UPF2: variants seen among roughly 807,000 people sequenced by gnomAD.
UPF2 encodes regulator of nonsense transcripts 2.
A neutral mutation model predicts 141.4 loss-of-function variants in UPF2; 17 were observed. That is an observed-to-expected ratio of 0.12 (90% confidence interval 0.08 to 0.18). The LOEUF (loss-of-function observed/expected upper bound fraction) is 0.18. Ranked by LOEUF, UPF2 falls within the 10% of genes least tolerant of loss-of-function variation. The pLI, the probability that UPF2 is intolerant of heterozygous loss-of-function variation, is 1.00. For synonymous variants in UPF2, 540 were observed against 498.0 expected (o/e 1.08, Z -1.12); for missense variants, 1,152 against 1,515.9 (o/e 0.76, Z 3.99).
At chr10:12,017,444 G>A (rs550990294) in intron 3 of UPF2, among the ~76,000 whole-genome samples, 1 of 152,148 alleles carries the variant, frequency 6.6e-6, no homozygotes, top group Non-Finnish European at 1.5e-5. Flanking sequence ...TCACTTTCAC[G>A]TGTGGATTTG....
In UPF2 at chr10:12,001,766, A is replaced by G. The variant is rs1177940831; in HGVS notation, c.1564T>C (p.Leu522=). ...VSSPDDLELE[L]ENLEINDDTL... The stretch of plus-strand genomic sequence containing the variant: ...TCATCATTAATTTCTAGATTCTCCA[A>G]CTCAAGTTCCAAATCATCGGGACTT... The change falls in exon 6 of 22, where the codon TTG becomes CTG. Residue 522 remains leucine, a synonymous_variant. Coordinates refer to ENST00000357604, the MANE Select transcript of UPF2 (RefSeq NM_015542.4). The G allele has an allele frequency of 1.4e-5, 22 of 1,612,644 alleles. No individual in the cohort carries two copies. Among genetic ancestry groups the G allele is most frequent in the Non-Finnish European group, 1.8e-5 (21 of 1,179,544 alleles).
intron 9 of UPF2, among the ~76,000 whole-genome samples, chr10:11,977,849 CTTTAT>C (rs1833531391): frequency 6.6e-6 from 1 of 152,168 alleles, no homozygotes; most frequent in African/African-American, 2.4e-5. Flanking sequence ...AACCACTTAA[CTTTAT>C]TGAGTTCAGT....
Position 11,955,223 on chromosome 10 carries a change from C to A in UPF2, c.2850+9G>T. The A allele has an allele frequency of 6.4e-7, 1 of 1,570,770 alleles. No individual in the cohort carries two copies. The highest frequency in any genetic ancestry group is 8.6e-7 in the Non-Finnish European group (1 of 1,157,980). On this transcript the variant is annotated intron_variant, in intron 14 of 21. Transcript: ENST00000357604. Reference sequence around the variant, plus strand: ...AATGATGCCAAACTGAATATTTCAGCTTATATACCTGAAAATATACAAGGA... The same window carrying A: ...AATGATGCCAAACTGAATATTTCAGATTATATACCTGAAAATATACAAGGA...
chr10:12,012,035 GGT>G (rs903066000), intron 4 of UPF2, among the ~76,000 whole-genome samples: 4 of 151,662 alleles, frequency 2.6e-5, no homozygotes, highest in Non-Finnish European at 5.9e-5. Context: ...AGAGAAAAGG[GGT>G]AAAGAAACCA....
At chr10:11,999,409 A>G (rs1212105122) in intron 7 of UPF2, among the ~76,000 whole-genome samples, 7 of 149,574 alleles carry the variant, frequency 4.7e-5, no homozygotes, top group African/African-American at 1.7e-4. Flanking sequence ...GCTACTCGAG[A>G]GGCTGAGGCA....
chr10:11,952,339 A>AT lies in UPF2; in HGVS notation c.2851-91dup, dbSNP rs1234130355. 6 of 1,180,026 alleles carry AT rather than the reference A, an allele frequency of 5.1e-6. No homozygotes were observed. In the African/African-American group the frequency reaches 9.3e-5, roughly 18 times the overall value. 73.1% of individuals were successfully genotyped at this position (1,180,026 alleles called of 1,614,324 possible). On this transcript the variant is annotated intron_variant, in intron 14 of 21. Transcript: ENST00000357604. ...AACTATATTGTGCTGTTTCCCAGTT[A>AT]TAACTACTAAGCTGAAAGGTTATAA...
intron 8 of UPF2, among the ~76,000 whole-genome samples, chr10:11,988,236 A>G (rs895806592): frequency 6.6e-6 from 1 of 152,218 alleles, no homozygotes; most frequent in African/African-American, 2.4e-5. Context: ...ACCCCCACCC[A>G]AAAGATACCA....
At chr10:11,970,832 A>C (rs905315559) in intron 9 of UPF2, among the ~76,000 whole-genome samples, 3 of 151,866 alleles carry the variant, frequency 2.0e-5, no homozygotes, top group Non-Finnish European at 4.4e-5. Context: ...TAAATAAATA[A>C]ATAACAAAAA....
In UPF2 at chr10:12,035,382, T is replaced by C; in HGVS notation, c.42A>G (p.Lys14=). Residue 14 remains lysine (K), a synonymous_variant, in exon 2 of 22, where the codon AAA becomes AAG. Coordinates refer to ENST00000357604, the MANE Select transcript of UPF2 (RefSeq NM_015542.4). Reference sequence around the variant, plus strand: ...TTTCCTTGTTGTTTGGTAAAGAGTCTTTTTCTTCCATACTTGCTGGCTTTT... The same window carrying C: ...TTTCCTTGTTGTTTGGTAAAGAGTCCTTTTCTTCCATACTTGCTGGCTTTT... ...ERKKPASMEE[K]DSLPNNKEKD... The C allele has an allele frequency of 6.3e-7, 1 of 1,596,620 alleles. No individual in the cohort carries two copies. Among genetic ancestry groups the C allele is most frequent in the Non-Finnish European group, 8.5e-7 (1 of 1,175,630 alleles).
Position 11,956,472 on chromosome 10 carries a change from A to G in UPF2, c.2422T>C (p.Tyr808His). Residue 808 changes from tyrosine (Y) to histidine (H), a missense_variant, in exon 13 of 22, where the codon TAT (tyrosine) becomes CAT (histidine). Transcript: ENST00000357604. The surrounding 1 kb of genome is among the most constrained non-coding windows in gnomAD (Gnocchi z 4.2). ...LPWQDQEVKD[Y>H]VICCMINIWN... ...ATGTTTATCATACAACAAATAACATAGTCTTTCACTTCTTGGTCCTGCCAG... is the reference window on the plus strand; with the variant it reads ...ATGTTTATCATACAACAAATAACATGGTCTTTCACTTCTTGGTCCTGCCAG... 1 of 1,614,076 alleles carries G rather than the reference A, an allele frequency of 6.2e-7. No homozygotes were observed. The highest frequency in any genetic ancestry group is 8.5e-7 in the Non-Finnish European group (1 of 1,179,942).
chr10:11,971,804 C>T (rs966189990), intron 9 of UPF2, among the ~76,000 whole-genome samples: 1 of 152,054 alleles, frequency 6.6e-6, no homozygotes, highest in Non-Finnish European at 1.5e-5. Flanking sequence ...TGGCTCATGC[C>T]TATAATCCCA....
At chr10:12,028,394 C>A (rs796943551) in intron 3 of UPF2, among the ~76,000 whole-genome samples, 1 of 152,044 alleles carries the variant, frequency 6.6e-6, no homozygotes, top group Non-Finnish European at 1.5e-5. Context: ...ATAGAGAGAA[C>A]GTTAAAGCAC....
chr10:11,950,841 C>G (rs1017139242), intron 15 of UPF2, among the ~76,000 whole-genome samples: 1 of 152,128 alleles, frequency 6.6e-6, no homozygotes, highest in Non-Finnish European at 1.5e-5. Flanking sequence ...TATGCCTTTA[C>G]GGGTTAAGTT....
At chr10:11,945,261 T>C (rs906978398) in intron 16 of UPF2, among the ~76,000 whole-genome samples, 1 of 152,196 alleles carries the variant, frequency 6.6e-6, no homozygotes, top group Non-Finnish European at 1.5e-5. Flanking sequence ...AAATGTCAAA[T>C]AGAACTTTAA....
rs1415677119 is a variant in UPF2, at chr10:12,014,121, A to G, written c.1209T>C (p.Ala403=). The change falls in exon 4 of 22, where the codon GCT becomes GCC. Residue 403 remains alanine, a synonymous_variant. Transcript: ENST00000357604. This position sits in a 1 kb window ranked among gnomAD's most constrained non-coding sequence, Gnocchi z 5.0. The part of the protein sequence containing the change: ...EDRHKQYEEF[A]MSYQKLLANS... ...TTGCCAGCAGCTTCTGGTAAGACAT[A>G]GCAAATTCCTCATACTGTTTATGTC... 3 of 1,589,644 alleles carry G rather than the reference A, an allele frequency of 1.9e-6. No homozygotes were observed. Among genetic ancestry groups the G allele is most frequent in the Admixed American group, 1.7e-5 (1 of 57,146 alleles).
chr10:11,934,989 T>C (rs548774153), intron 19 of UPF2, among the ~76,000 whole-genome samples: 4 of 152,196 alleles, frequency 2.6e-5, no homozygotes, highest in African/African-American at 9.6e-5. Flanking sequence ...ATATCACTTG[T>C]ATACTGCACA....
chr10:11,938,853 GT>G (rs58106776), intron 18 of UPF2, among the ~76,000 whole-genome samples: 526 of 79,738 alleles, frequency 6.6e-3, no homozygotes, highest in Middle Eastern at 0.017. Flanking sequence ...TTTTTTTTTT[GT>G]TTTTTTTTTT....
chr10:11,952,469 C>CTTTTTTTTT (rs869201076), intron 14 of UPF2, among the ~76,000 whole-genome samples: 3 of 97,742 alleles, frequency 3.1e-5, no homozygotes, highest in African/African-American at 4.1e-5. Flanking sequence ...TACTAAATAT[C>CTTTTTTTTT]TTTTTTTTTT....
At chr10:11,938,292 ATT>A in intron 18 of UPF2, among the ~76,000 whole-genome samples, 1 of 152,244 alleles carries the variant, frequency 6.6e-6, no homozygotes, top group South Asian at 2.1e-4. Flanking sequence ...TTATTTAATT[ATT>A]GACAGACAAT....
Sources: allele counts gnomAD v4.1 joint callset (sites outside exome capture counted in the v4.1 genomes callset), GRCh38; gene constraint gnomAD v4.1.1; non-coding constraint Gnocchi (gnomAD v3.1); transcripts MANE v1.5; gene names NCBI Gene and HGNC (gene_info 2026-07-23, HGNC 2026-07-21).